The following POF1B variants were observed in gnomAD, a reference collection of about 807,000 sequenced individuals.
POF1B encodes the protein protein POF1B.
Under a neutral mutation model 55.3 loss-of-function variants are expected in POF1B, and 53 were observed. The ratio of observed to expected loss-of-function variants is 0.96; its 90% CI spans 0.77 to 1.20. The LOEUF (loss-of-function observed/expected upper bound fraction) is 1.20, where lower values mean the gene tolerates loss of function less well. Ranked by LOEUF, POF1B falls within the 50% of genes most tolerant of loss-of-function variation. The pLI, the probability that POF1B is intolerant of heterozygous loss-of-function variation, is 0.00. For missense variants in POF1B, 478 were observed against 420.5 expected (o/e 1.14, Z -1.20); for synonymous variants, 188 against 148.3 (o/e 1.27, Z -1.95).
At chrX:85,351,302 TC>T in intron 5 of POF1B, 47 bp downstream of exon 5, 2 of 910,817 alleles carry the variant, frequency 2.2e-6, no homozygotes, top group Non-Finnish European at 1.5e-6. Context: ...AAAATACAAT[TC>T]AAAATTATAC....
At chrX:85,314,167 G>A (rs1326815384) in intron 9 of POF1B, among the ~76,000 whole-genome samples, 1 of 110,785 alleles carries the variant, frequency 9.0e-6, no homozygotes, top group East Asian at 2.8e-4. Flanking sequence ...GATAGAGTCA[G>A]ATTGTACTAA....
At chrX:85,350,682 T>C (rs1933364450) in intron 5 of POF1B, among the ~76,000 whole-genome samples, 1 of 111,170 alleles carries the variant, frequency 9.0e-6, no homozygotes, top group Non-Finnish European at 1.9e-5. Flanking sequence ...CTCCACATCC[T>C]GAACAGACAC....
At chrX:85,365,356 G>C (rs189783881) in intron 3 of POF1B, among the ~76,000 whole-genome samples, 120 of 111,940 alleles carry the variant, frequency 1.1e-3, no homozygotes, top group Non-Finnish European at 1.9e-3. Context: ...CAGAGTTCTT[G>C]CATTGGTTCT....
chrX:85,304,353 C>G lies in POF1B; in HGVS notation c.1556G>C (p.Arg519Pro). The G allele has an allele frequency of 8.4e-7, 1 of 1,183,922 alleles. No homozygotes were observed. The highest frequency in any genetic ancestry group is 1.1e-6 in the Non-Finnish European group (1 of 881,057). The change falls in exon 14 of 17, where the codon CGT becomes CCT. Residue 519 changes from arginine to proline, a missense_variant. By Grantham distance (103) the Arg-to-Pro change is moderately radical. Coordinates refer to ENST00000262753, the MANE Select transcript of POF1B (RefSeq NM_024921.4). ...LLEEKDSLIK[R>P]QSEELSKLRQ... ...CCCTTCCTTTTATACCTCTGACTGA[C>G]GCTTTATGAGGGAATCCTTCTCTTC...
intron 7 of POF1B, among the ~76,000 whole-genome samples, chrX:85,322,573 CA>C (rs1160821682): frequency 1.8e-5 from 2 of 111,748 alleles, no homozygotes; most frequent in African/African-American, 6.5e-5. Context: ...ACAATGGCAA[CA>C]AAAGCCAAAA....
chrX:85,356,044 G>A (rs923927566), intron 4 of POF1B, among the ~76,000 whole-genome samples: 42 of 111,352 alleles, frequency 3.8e-4, no homozygotes, highest in Non-Finnish European at 2.6e-4. Context: ...CAATAGCAAA[G>A]ACTTGGAACC....
intron 7 of POF1B, among the ~76,000 whole-genome samples, chrX:85,322,792 A>C (rs1932853620): frequency 8.9e-6 from 1 of 112,092 alleles, no homozygotes; most frequent in South Asian, 3.7e-4. Context: ...AAGGACATGA[A>C]CAGACACTTC....
At chrX:85,323,185 G>A (rs1489083507) in intron 7 of POF1B, among the ~76,000 whole-genome samples, 2 of 111,559 alleles carry the variant, frequency 1.8e-5, no homozygotes, top group Non-Finnish European at 3.8e-5. Flanking sequence ...GCAAAGGCTT[G>A]GAACCAAGCC....
chrX:85,298,973 A>T (rs1019330478), intron 15 of POF1B, among the ~76,000 whole-genome samples: 1 of 108,990 alleles, frequency 9.2e-6, no homozygotes, highest in Admixed American at 9.8e-5. Context: ...CAACCTCCAG[A>T]AATGCTCTAT....
At chrX:85,378,027 C>T (rs1475118531) in intron 2 of POF1B, among the ~76,000 whole-genome samples, 1 of 111,747 alleles carries the variant, frequency 8.9e-6, no homozygotes, top group Non-Finnish European at 1.9e-5. Context: ...TCATTTTGTT[C>T]TGCATTAGCA....
chrX:85,353,758 C>T (rs187330548), intron 4 of POF1B, among the ~76,000 whole-genome samples: 4 of 111,369 alleles, frequency 3.6e-5, no homozygotes, highest in African/African-American at 1.3e-4. Context: ...TCAAGACCAC[C>T]TGCTCACTAG....
chrX:85,356,891 G>T (rs948871299), intron 4 of POF1B, among the ~76,000 whole-genome samples: 2 of 110,662 alleles, frequency 1.8e-5, no homozygotes, highest in Admixed American at 9.7e-5. Flanking sequence ...TCTACTTTAC[G>T]GTTCCCAGGC....
rs780220078 is a variant in POF1B at position 85,335,983 on chromosome X, C to G, written c.724-4904G>C. Among the ~76,000 whole-genome samples the G allele has an allele frequency of 6.4e-5, 7 of 109,970 alleles. No homozygotes were observed. The East Asian group carries it at 2.0e-3, about 32-fold the overall frequency. On this transcript the variant is annotated intron_variant, in intron 6 of 16. Coordinates refer to ENST00000262753, the MANE Select transcript of POF1B (RefSeq NM_024921.4). ...TCTTTTTTGTGCCCATTAACAATCC[C>G]TAATACTCTCTCACCCCCGCCCCAC...
At chrX:85,322,777 G>C (rs1311516096) in intron 7 of POF1B, among the ~76,000 whole-genome samples, 2 of 111,765 alleles carry the variant, frequency 1.8e-5, no homozygotes, top group African/African-American at 6.5e-5. Context: ...ATCAAAAGGT[G>C]GGCGAAGGAC....
chrX:85,284,184 T>A (rs775989072), intron 15 of POF1B, among the ~76,000 whole-genome samples: 1 of 111,738 alleles, frequency 8.9e-6, no homozygotes. Context: ...GAACAGTCCA[T>A]GCTCATGGGT....
intron 4 of POF1B, among the ~76,000 whole-genome samples, chrX:85,358,434 T>A (rs1933543304): frequency 9.0e-6 from 1 of 111,314 alleles, no homozygotes; most frequent in Admixed American, 9.6e-5. Context: ...ATTGAGAGAC[T>A]GTATAGTGTC....
chrX:85,328,833 A>C (rs1390559943), intron 7 of POF1B, among the ~76,000 whole-genome samples: 2 of 102,049 alleles, frequency 2.0e-5, no homozygotes, highest in African/African-American at 3.6e-5. Flanking sequence ...TTTAGTATGT[A>C]AAAAAAAAAA....
intron 2 of POF1B, among the ~76,000 whole-genome samples, chrX:85,372,147 A>G (rs1000463170): frequency 1.8e-5 from 2 of 110,305 alleles, no homozygotes; most frequent in African/African-American, 3.3e-5. Flanking sequence ...AATCGAGACC[A>G]TCCTGGCTAA....
intron 8 of POF1B, among the ~76,000 whole-genome samples, chrX:85,315,179 T>C (rs1270452906): frequency 1.8e-5 from 2 of 111,597 alleles, no homozygotes; most frequent in Non-Finnish European, 3.8e-5. Flanking sequence ...TTGAAATAGG[T>C]TTTTCTCTAT....
Sources: gnomAD v4.1 joint callset for allele counts (sites outside exome capture counted in the v4.1 genomes callset) on GRCh38, gnomAD v4.1.1 for gene constraint, MANE v1.5 for transcripts, NCBI Gene and HGNC (gene_info 2026-07-23, HGNC 2026-07-21) for gene names.